Variants in TEX11 observed in about 807,000 individuals in gnomAD.
TEX11 encodes testis expressed 11.
In TEX11, 7 loss-of-function variants were observed where a neutral mutation model predicts 84.4. That is an observed-to-expected ratio of 0.08 (90% CI 0.05 to 0.16). The LOEUF (loss-of-function observed/expected upper bound fraction) is 0.16, where lower values mean the gene tolerates loss of function less well. Among genes scored for constraint, TEX11 ranks in the 10% least tolerant of loss-of-function variants. TEX11 has a pLI of 1.00. For synonymous variants in TEX11, 264 were observed against 222.8 expected (o/e 1.18, Z -1.64); for missense variants, 551 against 660.5 (o/e 0.83, Z 1.82).
At chrX:70,524,896 G>A (rs945017478), downstream of TEX11, among the ~76,000 whole-genome samples, 6 of 112,500 alleles carry the variant, frequency 5.3e-5, no homozygotes, top group African/African-American at 1.6e-4. Flanking sequence ...GAAGTAGGCC[G>A]GACATGGCGG....
intron 2 of TEX11, among the ~76,000 whole-genome samples, chrX:70,883,841 A>G (rs773226118): frequency 9.0e-6 from 1 of 111,651 alleles, no homozygotes; most frequent in East Asian, 2.8e-4. Context: ...TAGGTACCGT[A>G]TAATAGAAAA....
chrX:70,833,451 A>G, intron 8 of TEX11, 62 bp downstream of exon 8: 2 of 963,378 alleles, frequency 2.1e-6, no homozygotes, highest in Non-Finnish European at 3.0e-6. Flanking sequence ...AGTAGTAATG[A>G]TTCTTCCTGG....
chrX:70,539,804 G>A (rs950911794), intron 28 of TEX11, among the ~76,000 whole-genome samples: 1 of 111,864 alleles, frequency 8.9e-6, no homozygotes, highest in Non-Finnish European at 1.9e-5. Flanking sequence ...GATTGACACA[G>A]TGATAAGTTC....
chrX:70,563,901 A>C (rs1282886412), intron 25 of TEX11, among the ~76,000 whole-genome samples: 1 of 112,574 alleles, frequency 8.9e-6, no homozygotes, highest in Non-Finnish European at 1.9e-5. Flanking sequence ...AATTTTCTAA[A>C]ATGTATTTAG....
intron 9 of TEX11, among the ~76,000 whole-genome samples, chrX:70,763,611 T>A (rs1340368538): frequency 5.5e-5 from 6 of 108,730 alleles, no homozygotes; most frequent in African/African-American, 2.0e-4. Context: ...AATAAAAAAT[T>A]AAAAAAAATA....
the TEX11 span, among the ~76,000 whole-genome samples, chrX:70,523,405 T>C: frequency 1.8e-5 from 2 of 111,438 alleles, no homozygotes; most frequent in Non-Finnish European, 1.9e-5. Flanking sequence ...GCTAAACTGG[T>C]GTTTGTAACC....
At chrX:70,788,973 T>TATATATATAGAGAGAGAG (rs1211700739) in intron 9 of TEX11, among the ~76,000 whole-genome samples, 1 of 9,560 alleles carries the variant, frequency 1.0e-4, no homozygotes, top group Non-Finnish European at 1.8e-4. Context: ...TATATATATA[T>TATATATATAGAGAGAGAG]AGAGAGAGAG....
At chrX:70,624,162 T>G (rs2089425964) in intron 19 of TEX11, among the ~76,000 whole-genome samples, 156 bp from the exon 20 acceptor site, 1 of 111,888 alleles carries the variant, frequency 8.9e-6, no homozygotes, top group South Asian at 3.8e-4. Context: ...TTATATATAT[T>G]TTATTGTTTT....
intron 8 of TEX11, among the ~76,000 whole-genome samples, chrX:70,812,900 G>A (rs950580591): frequency 8.1e-5 from 9 of 111,356 alleles, no homozygotes; most frequent in African/African-American, 2.6e-4. Context: ...ACACCAGGAA[G>A]AAGTTGAATC....
At chrX:70,515,899 G>A in the TEX11 span, among the ~76,000 whole-genome samples, 1 of 112,376 alleles carries the variant, frequency 8.9e-6, no homozygotes, top group South Asian at 3.7e-4. Context: ...TCATGTGTCT[G>A]TTGGCTGCAT....
At position 70,897,689 on chromosome X, in the gene TEX11, AAG is replaced by A. The variant is rs1388298589; in HGVS notation, c.37+10062_37+10063del. 2.5e-4 allele frequency: 15 copies of A among 59,291 alleles called. No individual in the cohort carries two copies. In the East Asian group the frequency reaches 4.1e-3, roughly 16 times the overall value. 4.9% of individuals were successfully genotyped at this position (59,291 alleles called of 1,213,427 possible). On this transcript the variant is annotated intron_variant, in intron 2 of 29. Transcript: ENST00000374333. ...GAAAACAAAGAAAGAAAAAGAAAGA[AAG>A]AAAGAAAGAAAGAAAGAAAGAAAGA...
chrX:70,801,188 AC>A (rs755189933), intron 9 of TEX11, among the ~76,000 whole-genome samples: 2 of 110,731 alleles, frequency 1.8e-5, no homozygotes, highest in Non-Finnish European at 1.9e-5. Context: ...TTGTGCACAT[AC>A]CCCCAAGCAA....
Position 70,731,000 on chromosome X carries a change from C to G in TEX11, c.844-5657G>C, listed in dbSNP as rs373071511. 4.9e-4 allele frequency among the ~76,000 whole-genome samples: 55 copies of G among 111,988 alleles called. 1 individual carries two copies. The East Asian group carries it at 6.4e-3, about 13-fold the overall frequency. On this transcript the variant is annotated intron_variant, in intron 11 of 29. Transcript: ENST00000374333. ...AACTAGAACTCAGGATTAAGAAACT[C>G]ACTCAAAACCGCTCAACTACATGGA...
intron 16 of TEX11, among the ~76,000 whole-genome samples, chrX:70,663,780 A>G (rs950787135): frequency 7.2e-5 from 8 of 111,878 alleles, no homozygotes; most frequent in African/African-American, 2.6e-4. Flanking sequence ...CTTTCATACT[A>G]TCATAAGATT....
At chrX:70,801,094 A>G (rs191136153) in intron 9 of TEX11, among the ~76,000 whole-genome samples, 76 of 111,279 alleles carry the variant, frequency 6.8e-4, no homozygotes, top group African/African-American at 2.1e-3. Context: ...ACCAAAGCTC[A>G]AGTTTAGCCT....
chrX:70,865,093 C>T (rs1427819346), intron 4 of TEX11, among the ~76,000 whole-genome samples: 2 of 111,393 alleles, frequency 1.8e-5, no homozygotes, highest in Non-Finnish European at 3.8e-5. Flanking sequence ...TTAAAAGACA[C>T]AGACCGGCAA....
chrX:70,594,678 A>G (rs1392052864), intron 24 of TEX11, among the ~76,000 whole-genome samples: 1 of 110,955 alleles, frequency 9.0e-6, no homozygotes, highest in Non-Finnish European at 1.9e-5. Flanking sequence ...AGTTCCCATA[A>G]TCCCCATGTG....
At chrX:70,599,446 T>A (rs2089059042) in intron 24 of TEX11, among the ~76,000 whole-genome samples, 1 of 112,332 alleles carries the variant, frequency 8.9e-6, no homozygotes, top group South Asian at 3.7e-4. Flanking sequence ...CAGCTACTTA[T>A]TTGGAAATAT....
chrX:70,534,684 C>T (rs1475767173), intron 28 of TEX11, among the ~76,000 whole-genome samples: 2 of 111,620 alleles, frequency 1.8e-5, no homozygotes, highest in Non-Finnish European at 3.8e-5. Context: ...CTAACTGAAT[C>T]GTAGGTATTC....
Sources: allele counts gnomAD v4.1 joint callset (sites outside exome capture counted in the v4.1 genomes callset), GRCh38; gene constraint gnomAD v4.1.1; transcripts MANE v1.5; gene names NCBI Gene and HGNC (gene_info 2026-07-23, HGNC 2026-07-21).